Variants in SCRIB observed in about 807,000 individuals in gnomAD.
SCRIB encodes the protein scribble planar cell polarity protein.
Under a neutral mutation model 170.0 loss-of-function variants are expected in SCRIB, and 72 were observed. That is an observed-to-expected ratio of 0.42 (90% CI 0.35 to 0.52). SCRIB has a LOEUF of 0.52. SCRIB is among the 20% of genes least tolerant of loss of function. SCRIB has a pLI of 0.02. For missense variants in SCRIB, 2,475 were observed against 2,338.5 expected, an observed-to-expected ratio of 1.06 and a Z score of -1.20; for synonymous variants, 1,298 against 1,044.3, an observed-to-expected ratio of 1.24 and a Z score of -4.68.
intron 15 of SCRIB, among the ~76,000 whole-genome samples, chr8:143,808,234 A>G (rs181401366): frequency 3.9e-5 from 6 of 152,024 alleles, no homozygotes; most frequent in African/African-American, 1.4e-4. Flanking sequence ...ACTTCTGTGA[A>G]CTCCGTGCCC....
rs782366459 is a variant in SCRIB, at chr8:143,791,300, C to T, written c.4831G>A (p.Glu1611Lys). The T allele has an allele frequency of 7.0e-6, 11 of 1,563,436 alleles. No individual in the cohort carries two copies. In the South Asian group the frequency reaches 1.2e-4, roughly 17 times the overall value. The change falls in exon 37 of 37, where the codon GAG (glutamate) becomes AAG (lysine). Residue 1611 changes from glutamate (E) to lysine (K), a missense_variant. Physicochemically the swap from Glu to Lys is moderately conservative, Grantham distance 56 (BLOSUM62 1). Transcript: ENST00000356994. Reference sequence around the variant, plus strand: ...ACCAGAGCCACTTCTCCATCCTCCTCCTGCGGGCCTGGAGGGCAGGGACAG... The same window carrying T: ...ACCAGAGCCACTTCTCCATCCTCCTTCTGCGGGCCTGGAGGGCAGGGACAG... ...LEPSPSPGPQ[E>K]EDGEVALVLL...
At chr8:143,798,960 G>A (rs574325548) in intron 24 of SCRIB, among the ~76,000 whole-genome samples, 43 of 152,150 alleles carry the variant, frequency 2.8e-4, no homozygotes, top group Admixed American at 7.2e-4. Context: ...ACAGGGATGC[G>A]GGGTCTCGCT....
Position 143,804,681 on chromosome 8 carries a change from T to C in SCRIB, c.2896A>G (p.Thr966Ala). Residue 966 changes from threonine (T) to alanine (A), a missense_variant, in exon 21 of 37, where the codon ACC (threonine) becomes GCC (alanine). By Grantham distance (58) the Thr-to-Ala change is moderately conservative (BLOSUM62 0). Coordinates refer to ENST00000356994, the MANE Select transcript of SCRIB (RefSeq NM_182706.5). ...PSPLPHSSPP[T>A]AAVATTSITT... ...ATGCTGGTGGTGGCAACAGCAGCGG[T>C]GGGGGGTGAGGAATGTGGCAGAGGG... 1 of 1,556,954 alleles carries C rather than the reference T, an allele frequency of 6.4e-7. No homozygotes were observed. Among genetic ancestry groups the C allele is most frequent in the Non-Finnish European group, 8.7e-7 (1 of 1,148,018 alleles).
At chr8:143,804,886 C>CGGGGCAGGGGGGATGGGTGGGT (rs1563798632) in intron 20 of SCRIB, 48 bp downstream of exon 20, 1 of 212,258 alleles carries the variant, frequency 4.7e-6, no homozygotes, top group Admixed American at 6.3e-5. Context: ...GGGCGCGGGG[C>CGGGGCAGGGGGGATGGGTGGGT]GGGGCAGGGG....
chr8:143,812,012 G>A (rs564553502), intron 9 of SCRIB, among the ~76,000 whole-genome samples: 2 of 152,292 alleles, frequency 1.3e-5, no homozygotes, highest in Non-Finnish European at 2.9e-5. Flanking sequence ...CCGCTCCCCA[G>A]TGTTACAACA....
Position 143,804,598 on chromosome 8 carries a change from A to G in SCRIB, c.2979T>C (p.Ala993=), listed in dbSNP as rs2130076197. ...GLPSLAPSLL[A]AALEGPYPVE... ...CTGGGTATGGCCCTTCCAACGCGGC[A>G]GCCAGCAGGCTGGGGGCCAGGCTCG... The change falls in exon 21 of 37, where the codon GCT becomes GCC. Residue 993 remains alanine, a synonymous_variant. Transcript: ENST00000356994. 1 of 1,515,206 alleles carries G rather than the reference A, an allele frequency of 6.6e-7. No homozygotes were observed. Among genetic ancestry groups the G allele is most frequent in the Non-Finnish European group, 8.8e-7 (1 of 1,135,508 alleles). 93.9% of individuals were successfully genotyped at this position (1,515,206 alleles called of 1,614,324 possible). A position where few individuals can be genotyped will look rare whatever the true frequency, so the allele number is the denominator to read the frequency against.
intron 6 of SCRIB, 32 bp from the exon 7 acceptor site, chr8:143,813,136 T>C (rs769765961): frequency 6.4e-6 from 10 of 1,572,890 alleles, no homozygotes; most frequent in East Asian, 2.3e-5. Context: ...ATAGTGACTA[T>C]GAGGCAAAGC....
chr8:143,791,583 TG>T (rs1444555078), intron 35 of SCRIB, 82 bp downstream of exon 35: 5 of 1,505,166 alleles, frequency 3.3e-6, no homozygotes, highest in African/African-American at 1.4e-5. Flanking sequence ...CGGCAGAGCG[TG>T]GGGAGGCCCT....
At chr8:143,812,412 G>C in intron 8 of SCRIB, 28 bp from the exon 9 acceptor site, 1 of 1,523,656 alleles carries the variant, frequency 6.6e-7, no homozygotes, top group Non-Finnish European at 9.1e-7. Context: ...GGGGGACAAG[G>C]CTGAGCATGG....
chr8:143,793,774 C>T (rs1554633526), intron 28 of SCRIB, 126 bp downstream of exon 28: 8 of 894,310 alleles, frequency 8.9e-6, no homozygotes, highest in Admixed American at 2.1e-5. Flanking sequence ...GAGGGAAAAC[C>T]GGAGTCAACA....
At chr8:143,793,245 CAG>C (rs1814788528) in intron 28 of SCRIB, 162 bp from the exon 29 acceptor site, 2 of 518,470 alleles carry the variant, frequency 3.9e-6, no homozygotes, top group South Asian at 6.3e-5. Flanking sequence ...ACCCACGGGA[CAG>C]AGCACTCACG....
intron 15 of SCRIB, among the ~76,000 whole-genome samples, chr8:143,808,245 G>A (rs933199182): frequency 3.9e-5 from 6 of 152,180 alleles, no homozygotes; most frequent in East Asian, 1.9e-4. Flanking sequence ...CTCCGTGCCC[G>A]CCAGCAGGTC....
chr8:143,791,948 C>A, intron 33 of SCRIB, 35 bp from the exon 34 acceptor site: 1 of 1,504,932 alleles, frequency 6.6e-7, no homozygotes, highest in East Asian at 2.4e-5. Context: ...GGAAGCAGCC[C>A]ATGCGGCAGG....
At chr8:143,812,479 C>G in intron 8 of SCRIB, 95 bp from the exon 9 acceptor site, 1 of 924,120 alleles carries the variant, frequency 1.1e-6, no homozygotes, top group Non-Finnish European at 1.8e-6. Flanking sequence ...GACAGCAAGG[C>G]CCCCAGCCCC....
rs1815655410 is a variant in SCRIB, at chr8:143,810,473, G to A, written c.1530+6C>T. The A allele has an allele frequency of 6.2e-7, 1 of 1,605,660 alleles. No homozygotes were observed. Among genetic ancestry groups the A allele is most frequent in the Non-Finnish European group, 8.5e-7 (1 of 1,179,464 alleles). ...GCCCGCCAGGTTGCCGTGGCTCCAT[G>A]CCCACCTCCTCTGCAGGCAAGGGCG... is the stretch of plus-strand genomic sequence containing the variant. On this transcript the variant is annotated splice_donor_region_variant and intron_variant, in intron 13 of 36. Transcript: ENST00000356994.
Position 143,795,287 on chromosome 8 carries a change from G to T in SCRIB, c.3761C>A (p.Thr1254Lys). 6.2e-7 allele frequency: 1 copy of T among 1,612,650 alleles called. No individual in the cohort carries two copies. Among genetic ancestry groups the T allele is most frequent in the East Asian group, 2.2e-5 (1 of 44,872 alleles). The change falls in exon 26 of 37, where the codon ACA becomes AAA. Residue 1254 changes from threonine (T) to lysine (K), a missense_variant. Coordinates refer to ENST00000356994, the MANE Select transcript of SCRIB (RefSeq NM_182706.5). ...GQTLHWGPEA[T>K]EAAGRGLQPL... ...GGCGACCACACTCACTGCGGCTTCT[G>T]TGGCCTCGGGCCCCCAGTGCAGGGT...
rs1216574716 is a variant in SCRIB, at chr8:143,813,838, G to A, written c.336C>T (p.Phe112=). Residue 112 remains phenylalanine (F), a synonymous_variant, in exon 3 of 37, where the codon TTC becomes TTT. Coordinates refer to ENST00000356994, the MANE Select transcript of SCRIB (RefSeq NM_182706.5). ...CCCACCTGGAGAGGGGGTTCCCGCT[G>A]AAGTCCGCGATCTCCAGAGCCTTGC... ...KFCKALEIAD[F]SGNPLSRLPD... is the part of the protein sequence containing the mutation. 6.2e-7 allele frequency: 1 copy of A among 1,609,680 alleles called. No homozygotes were observed. The highest frequency in any genetic ancestry group is 8.5e-7 in the Non-Finnish European group (1 of 1,177,412).
chr8:143,796,310 A>G lies in SCRIB; in HGVS notation c.3604-780T>C, dbSNP rs557209603. Reference sequence around the variant, plus strand: ...CCAGAAGCAGCGGAGGAGGCAGCACAGTGGACACAGGCATTGCTCACCGCC... The same window carrying G: ...CCAGAAGCAGCGGAGGAGGCAGCACGGTGGACACAGGCATTGCTCACCGCC... On this transcript the variant is annotated intron_variant, in intron 24 of 36. Coordinates refer to ENST00000356994, the MANE Select transcript of SCRIB (RefSeq NM_182706.5). 1.9e-4 allele frequency among the ~76,000 whole-genome samples: 29 copies of G among 152,322 alleles called. 2 individuals carry two copies. In the South Asian group the frequency reaches 6.0e-3, roughly 32 times the overall value.
At position 143,815,600 on chromosome 8, in the gene SCRIB, T is replaced by G. The variant is rs1338500140; in HGVS notation, c.-228A>C. The G allele has an allele frequency of 1.0e-6, 1 of 981,582 alleles. No individual in the cohort carries two copies. Among genetic ancestry groups the G allele is most frequent in the Non-Finnish European group, 1.2e-6 (1 of 828,432 alleles). 60.8% of individuals were successfully genotyped at this position (981,582 alleles called of 1,614,324 possible). ...GGGCGCGGCCCGGCGGGTCTCAGAC[T>G]CTTAGGAAGCGCGGGGAGCGGCGGC... On this transcript the variant is annotated 5_prime_UTR_variant, in exon 1 of 37. Transcript: ENST00000356994.
Sources: allele counts gnomAD v4.1 joint callset (sites outside exome capture counted in the v4.1 genomes callset), GRCh38; gene constraint gnomAD v4.1.1; transcripts MANE v1.5; gene names NCBI Gene and HGNC (gene_info 2026-07-23, HGNC 2026-07-21).